ACLY: variants seen among roughly 807,000 people sequenced by gnomAD.
The protein encoded by ACLY is ATP-citrate synthase.
In ACLY, 41 loss-of-function variants were observed where a neutral mutation model predicts 133.0. The observed-to-expected ratio is 0.31, with a 90% confidence interval of 0.24 to 0.40. The LOEUF is 0.40. Ranked by LOEUF, ACLY falls within the 10% of genes least tolerant of loss-of-function variation. The probability of loss-of-function intolerance (pLI) is 1.00; values close to 1 mark genes in which losing one functional copy is unlikely to be tolerated. For missense variants in ACLY, 1,046 were observed against 1,453.8 expected, an observed-to-expected ratio of 0.72 and a Z score of 4.56; for synonymous variants, 495 against 549.3, an observed-to-expected ratio of 0.90 and a Z score of 1.38.
At chr17:41,879,647 CAAAAAAAAAAAAAAAAAAAAAAAAAA>C (rs558056100) in intron 20 of ACLY, among the ~76,000 whole-genome samples, 14 of 34,222 alleles carry the variant, frequency 4.1e-4, no homozygotes, top group African/African-American at 8.9e-4. Context: ...GACTCCGTCT[CAAAAAAAAAAAAAAAAAAAAAAAAAA>C]AAAAAAAAAA....
intron 1 of ACLY, among the ~76,000 whole-genome samples, chr17:41,925,511 T>C (rs575836066): frequency 4.1e-4 from 61 of 149,656 alleles, no homozygotes; most frequent in African/African-American, 1.5e-3. Flanking sequence ...CTGGGGAGGC[T>C]GAGGTGGGAG....
At chr17:41,899,819 G>A (rs1319068995) in intron 11 of ACLY, among the ~76,000 whole-genome samples, 1 of 150,790 alleles carries the variant, frequency 6.6e-6, no homozygotes, top group East Asian at 2.0e-4. Flanking sequence ...CTAGGCAGGT[G>A]GATCGCTTGA....
At chr17:41,916,926 C>T (rs906420794) in intron 1 of ACLY, among the ~76,000 whole-genome samples, 2 of 151,668 alleles carry the variant, frequency 1.3e-5, no homozygotes, top group Non-Finnish European at 1.5e-5. Context: ...GGGCAAATCA[C>T]GAGGTCAGGA....
intron 6 of ACLY, 51 bp from the exon 7 acceptor site, chr17:41,907,623 A>AC (rs782272373): frequency 6.3e-7 from 1 of 1,597,630 alleles, no homozygotes; most frequent in Non-Finnish European, 8.6e-7. Context: ...GGTAGAGACA[A>AC]CCACCAACCT....
rs984856257 is a variant in ACLY at position 41,904,699 on chromosome 17, C to G, written c.1065+30G>C. The G allele has an allele frequency of 2.5e-6, 4 of 1,609,338 alleles. No individual in the cohort carries two copies. In the African/African-American group the frequency reaches 5.3e-5, roughly 22 times the overall value. On this transcript the variant is annotated intron_variant, in intron 10 of 28. Coordinates refer to ENST00000352035, the MANE Select transcript of ACLY (RefSeq NM_001096.3). ...CCTGCTTTCCCCAAACCACTTTCCC[C>G]AGAAACTGCACCACTGTTGCAACTG...
Position 41,905,669 on chromosome 17 carries a change from G to A in ACLY, c.867-11C>T. 2 of 1,614,172 alleles carry A rather than the reference G, an allele frequency of 1.2e-6. No homozygotes were observed. The highest frequency in any genetic ancestry group is 1.7e-6 in the Non-Finnish European group (2 of 1,180,002). ...TCACAGATGGTATCGCTGCCAAGGA[G>A]ACAGAAGTCAGTGATGGCTCTCACA... On this transcript the variant is annotated splice_polypyrimidine_tract_variant and intron_variant, in intron 8 of 28. Coordinates refer to ENST00000352035, the MANE Select transcript of ACLY (RefSeq NM_001096.3).
intron 3 of ACLY, among the ~76,000 whole-genome samples, chr17:41,911,606 A>G (rs946473828): frequency 1.3e-5 from 2 of 152,232 alleles, no homozygotes; most frequent in Admixed American, 6.5e-5. Flanking sequence ...CCCTGAGGCC[A>G]GAAGTTCGAG....
chr17:41,925,028 T>TTTTTTA (rs1555635843), intron 1 of ACLY, among the ~76,000 whole-genome samples: 5 of 149,414 alleles, frequency 3.3e-5, no homozygotes, highest in Admixed American at 2.0e-4. Context: ...TCTGAATGAG[T>TTTTTTA]TTATTATTAT....
At chr17:41,885,920 T>C (rs2049034986) in intron 18 of ACLY, among the ~76,000 whole-genome samples, 192 bp downstream of exon 18, 1 of 152,214 alleles carries the variant, frequency 6.6e-6, no homozygotes, top group Admixed American at 6.5e-5. Flanking sequence ...ATTGTTGCCC[T>C]GTTCTGTGTT....
intron 11 of ACLY, among the ~76,000 whole-genome samples, chr17:41,900,626 G>T (rs1359580494): frequency 6.6e-6 from 1 of 151,978 alleles, no homozygotes; most frequent in African/African-American, 2.4e-5. Flanking sequence ...TTGGGAGGCT[G>T]AGGAGGGAGG....
chr17:41,898,949 A>G (rs947657242), intron 11 of ACLY, among the ~76,000 whole-genome samples, 164 bp from the exon 12 acceptor site: 4 of 152,234 alleles, frequency 2.6e-5, no homozygotes, highest in African/African-American at 9.6e-5. Context: ...ACCACCAGAC[A>G]AATCTTTCTA....
Position 41,872,195 on chromosome 17 carries a change from G to A in ACLY, c.2643-13C>T. On this transcript the variant is annotated splice_polypyrimidine_tract_variant and intron_variant, in intron 23 of 28. Transcript: ENST00000352035. The stretch of plus-strand genomic sequence containing the variant: ...GTACTTAGGCAACCTGGAGTGGGGG[G>A]AACAAAGGCCAGGAGATGGTCGACA... 6.2e-7 allele frequency: 1 copy of A among 1,611,044 alleles called. No homozygotes were observed. The highest frequency in any genetic ancestry group is 8.5e-7 in the Non-Finnish European group (1 of 1,178,818).
intron 1 of ACLY, among the ~76,000 whole-genome samples, chr17:41,915,089 G>A (rs1555634295): frequency 1.3e-5 from 2 of 152,056 alleles, no homozygotes; most frequent in East Asian, 3.9e-4. Flanking sequence ...ACCAGCCCAA[G>A]AAAAGACCAT....
intron 2 of ACLY, 75 bp downstream of exon 2, chr17:41,913,640 A>G: frequency 6.6e-7 from 1 of 1,513,394 alleles, no homozygotes. Context: ...TATCGGCATC[A>G]CCAACAAACC....
Position 41,907,432 on chromosome 17 carries a change from C to G in ACLY, c.747+10G>C. The G allele has an allele frequency of 6.4e-7, 1 of 1,554,894 alleles. No homozygotes were observed. The highest frequency in any genetic ancestry group is 1.4e-5 in the African/African-American group (1 of 73,668). On this transcript the variant is annotated intron_variant, in intron 7 of 28. Coordinates refer to ENST00000352035, the MANE Select transcript of ACLY (RefSeq NM_001096.3). ...CCCCAGTCCCCATCTCCTCTCTAAA[C>G]CAGCCTTACCTCTGGATATGCCTCC...
intron 11 of ACLY, among the ~76,000 whole-genome samples, chr17:41,899,901 C>T (rs894395996): frequency 4.0e-5 from 6 of 151,338 alleles, no homozygotes; most frequent in African/African-American, 9.7e-5. Flanking sequence ...CAGGTGTGTG[C>T]TAATTTTTTG....
At chr17:41,908,810 T>G (rs1240305210) in intron 6 of ACLY, among the ~76,000 whole-genome samples, 179 bp downstream of exon 6, 1 of 152,120 alleles carries the variant, frequency 6.6e-6, no homozygotes, top group Non-Finnish European at 1.5e-5. Context: ...AGAACTACAG[T>G]CTTCTGAGAG....
intron 18 of ACLY, 23 bp downstream of exon 18, chr17:41,886,089 T>C: frequency 6.2e-7 from 1 of 1,601,518 alleles, no homozygotes; most frequent in Non-Finnish European, 8.5e-7. Context: ...AGGAAGCCCC[T>C]CCTTGGCTTC....
At chr17:41,891,777 C>T (rs907177124) in intron 16 of ACLY, among the ~76,000 whole-genome samples, 2 of 152,110 alleles carry the variant, frequency 1.3e-5, no homozygotes, top group Admixed American at 6.6e-5. Context: ...CTAACTGCAG[C>T]CTTGAACTCC....
Sources: gnomAD v4.1 joint callset for allele counts (sites outside exome capture counted in the v4.1 genomes callset) on GRCh38, gnomAD v4.1.1 for gene constraint, MANE v1.5 for transcripts, NCBI Gene and HGNC (gene_info 2026-07-23, HGNC 2026-07-21) for gene names.